DST: variants seen among roughly 807,000 people sequenced by gnomAD.
The protein encoded by DST is dystonin, also known as bullous pemphigoid antigen.
Under a neutral mutation model 875.2 loss-of-function variants are expected in DST, and 253 were observed. That is an observed-to-expected ratio of 0.29 (90% CI 0.26 to 0.32). The LOEUF is 0.32. DST is among the 10% of genes least tolerant of loss of function. The pLI, the probability that DST is intolerant of heterozygous loss-of-function variation, is 1.00. For missense variants in DST, 8,287 were observed against 9,111.6 expected (o/e 0.91, Z 3.68); for synonymous variants, 3,124 against 3,197.1 (o/e 0.98, Z 0.77).
At chr6:56,914,555 C>T (rs1800059932) in intron 2 of DST, among the ~76,000 whole-genome samples, 1 of 152,138 alleles carries the variant, frequency 6.6e-6, no homozygotes, top group Admixed American at 6.5e-5. Context: ...TCCTCCGTGG[C>T]CCAATCCTGC....
chr6:56,658,069 ATTC>A (rs2099019483), intron 10 of DST, among the ~76,000 whole-genome samples: 1 of 147,070 alleles, frequency 6.8e-6, no homozygotes, highest in South Asian at 2.2e-4. Flanking sequence ...CCTGGCCGTA[ATTC>A]TTTTTTTTTG....
intron 24 of DST, among the ~76,000 whole-genome samples, chr6:56,635,204 T>C (rs2098813392): frequency 6.6e-6 from 1 of 152,206 alleles, no homozygotes; most frequent in South Asian, 2.1e-4. Flanking sequence ...TTCTGTTTAT[T>C]GTCTAACTCC....
intron 73 of DST, 115 bp downstream of exon 73, chr6:56,511,082 G>A (rs1690192661): frequency 3.3e-6 from 3 of 895,770 alleles, no homozygotes; most frequent in Admixed American, 2.4e-5. Flanking sequence ...CAATACTCAA[G>A]AGTGAATGTG....
chr6:56,798,958 G>A (rs987541399), intron 4 of DST, among the ~76,000 whole-genome samples: 1 of 152,188 alleles, frequency 6.6e-6, no homozygotes, highest in Admixed American at 6.5e-5. Flanking sequence ...GCCTGAAGAT[G>A]GGACTCAATT....
intron 36 of DST, chr6:56,616,086 A>G (rs780282763): frequency 1.2e-6 from 2 of 1,614,186 alleles, no homozygotes; most frequent in Admixed American, 1.7e-5. Flanking sequence ...TTTAGTACAG[A>G]GATCCTTTCC....
chr6:56,850,768 G>A (rs1186595592), intron 4 of DST, among the ~76,000 whole-genome samples: 1 of 152,234 alleles, frequency 6.6e-6, no homozygotes, highest in East Asian at 1.9e-4. Flanking sequence ...TAGGGCCAAT[G>A]CAAGGGAACA....
In DST at chr6:56,900,573, C is replaced by T. The variant is rs370358616; in HGVS notation, c.265G>A (p.Ala89Thr). 32 of 1,367,622 alleles carry T rather than the reference C, an allele frequency of 2.3e-5. No individual in the cohort carries two copies. In the African/African-American group the frequency reaches 2.5e-4, roughly 11 times the overall value. The allele number at this position is 1,367,622 out of a possible 1,614,324, so 84.7% of individuals were successfully genotyped here. A position where few individuals can be genotyped will look rare whatever the true frequency, so the allele number is the denominator to read the frequency against. ...TTCACTTCTTCCAGACGGGCAGCTG[C>T]GGCCGCTGCAACTCGTCTTCTAAGA... ...RHLRRRVAAA[A>T]AARLEEVKPV... The change falls in exon 3 of 104, where the codon GCA (alanine) becomes ACA (threonine). Residue 89 changes from alanine to threonine, a missense_variant. Physicochemically the swap from Ala to Thr is moderately conservative, Grantham distance 58. Transcript: ENST00000680361.
intron 69 of DST, among the ~76,000 whole-genome samples, chr6:56,521,851 C>T (rs2096714047): frequency 6.6e-6 from 1 of 151,930 alleles, no homozygotes. Context: ...ACATGGCTCA[C>T]TTTATATGTA....
chr6:56,507,693 A>C (rs1310838690), intron 75 of DST, among the ~76,000 whole-genome samples: 1 of 152,172 alleles, frequency 6.6e-6, no homozygotes, highest in Non-Finnish European at 1.5e-5. Flanking sequence ...CGCCCTTTCT[A>C]ATCAGTAGCA....
At chr6:56,502,049 T>A (rs1444232846) in intron 78 of DST, among the ~76,000 whole-genome samples, 3 of 152,120 alleles carry the variant, frequency 2.0e-5, no homozygotes, top group Non-Finnish European at 4.4e-5. Flanking sequence ...AAACATATGT[T>A]GACACATATG....
At chr6:56,824,651 G>A (rs984748504) in intron 4 of DST, among the ~76,000 whole-genome samples, 4 of 152,042 alleles carry the variant, frequency 2.6e-5, no homozygotes, top group Middle Eastern at 3.4e-3. Flanking sequence ...GCCTCTGACC[G>A]GCCGCGACCC....
chr6:56,617,002 T>A, intron 36 of DST: 1 of 1,610,184 alleles, frequency 6.2e-7, no homozygotes, highest in South Asian at 1.1e-5. Flanking sequence ...TCTCGGCCGC[T>A]GAGGCAAATG....
At chr6:56,460,736 A>G (rs1241554767) in intron 102 of DST, 1 of 152,410 alleles carries the variant, frequency 6.6e-6, no homozygotes, top group African/African-American at 2.4e-5. Context: ...TGATAAGTAA[A>G]TAAATAATGG....
In DST at chr6:56,608,560, C is replaced by G; in HGVS notation, c.6068G>C (p.Ser2023Thr). 6.2e-7 allele frequency: 1 copy of G among 1,613,480 alleles called. No individual in the cohort carries two copies. The highest frequency in any genetic ancestry group is 8.5e-7 in the Non-Finnish European group (1 of 1,179,718). ...AGTTTGAACCTGATATGTGAGGATACTGCTAGCAGTGTCCCTGTCAATCAC... is the reference window on the plus strand; with the variant it reads ...AGTTTGAACCTGATATGTGAGGATAGTGCTAGCAGTGTCCCTGTCAATCAC... ...EGVIDRDTAS[S>T]ILTYQVQTGG... The change falls in exon 40 of 104, where the codon AGT (serine) becomes ACT (threonine). Residue 2023 changes from serine to threonine, a missense_variant. Physicochemically the swap from Ser to Thr is moderately conservative, Grantham distance 58 (BLOSUM62 1). Around this residue, in one of 10 missense-constraint regions of DST, gnomAD observed 3,138 missense variants for 3,116.6 expected, o/e 1.01. Coordinates refer to ENST00000680361, the MANE Select transcript of DST (RefSeq NM_001374736.1).
At chr6:56,648,231 T>C (rs1050451643) in intron 13 of DST, among the ~76,000 whole-genome samples, 1 of 151,844 alleles carries the variant, frequency 6.6e-6, no homozygotes, top group African/African-American at 2.4e-5. Context: ...TTGTATGTAC[T>C]TCCCAGGGTC....
intron 82 of DST, among the ~76,000 whole-genome samples, 195 bp downstream of exon 82, chr6:56,497,180 AAAAG>A (rs1724114192): frequency 6.6e-6 from 1 of 152,260 alleles, no homozygotes; most frequent in Non-Finnish European, 1.5e-5. Context: ...TAAAATTAAA[AAAAG>A]AAAGAAATAA....
intron 27 of DST, among the ~76,000 whole-genome samples, chr6:56,633,891 C>T (rs1398152675): frequency 1.3e-5 from 2 of 152,236 alleles, no homozygotes; most frequent in Non-Finnish European, 2.9e-5. Flanking sequence ...CCAACAACTA[C>T]ATTCTGCCTC....
At chr6:56,848,877 A>G (rs1763445982) in intron 4 of DST, among the ~76,000 whole-genome samples, 1 of 151,670 alleles carries the variant, frequency 6.6e-6, no homozygotes, top group African/African-American at 2.4e-5. Context: ...TCTACTAAAA[A>G]TACAAAAAAA....
At chr6:56,531,720 A>G (rs899279849) in intron 64 of DST, among the ~76,000 whole-genome samples, 5 of 152,130 alleles carry the variant, frequency 3.3e-5, no homozygotes, top group African/African-American at 7.2e-5. Flanking sequence ...GGCGGCATCA[A>G]TGCAGATACT....
Sources: gnomAD v4.1 joint callset for allele counts (sites outside exome capture counted in the v4.1 genomes callset) on GRCh38, gnomAD v4.1.1 for gene constraint, gnomAD v4.1.1 regional missense constraint, MANE v1.5 for transcripts, NCBI Gene and HGNC (gene_info 2026-07-23, HGNC 2026-07-21) for gene names.